Variants in RBFOX1 observed in about 807,000 individuals in gnomAD.
RBFOX1 encodes the protein RNA binding protein fox-1 homolog 1.
A neutral mutation model predicts 57.7 loss-of-function variants in RBFOX1; 8 were observed. That is an observed-to-expected ratio of 0.14 (90% CI 0.08 to 0.25). The LOEUF (loss-of-function observed/expected upper bound fraction) is 0.25, where lower values mean the gene tolerates loss of function less well. RBFOX1 is among the 10% of genes least tolerant of loss of function. The pLI is 1.00. For synonymous variants in RBFOX1, 326 were observed against 222.4 expected (o/e 1.47, Z -4.15); for missense variants, 611 against 548.5 (o/e 1.11, Z -1.14).
chr16:5,533,731 T>C (rs1276240475), intron 2 of RBFOX1, among the ~76,000 whole-genome samples: 1 of 152,186 alleles, frequency 6.6e-6, no homozygotes, highest in East Asian at 1.9e-4. Context: ...GGAGTGTGTT[T>C]CAAGGTTACC....
chr16:7,437,450 C>A (rs914652625), intron 4 of RBFOX1, among the ~76,000 whole-genome samples: 1 of 151,968 alleles, frequency 6.6e-6, no homozygotes, highest in African/African-American at 2.4e-5. Context: ...ACACTGTTGG[C>A]GCGTTATTAA....
intron 2 of RBFOX1, among the ~76,000 whole-genome samples, chr16:6,443,292 A>C (rs192183842): frequency 1.4e-4 from 22 of 152,176 alleles, no homozygotes; most frequent in South Asian, 4.2e-4. Flanking sequence ...GCTATCTCTC[A>C]CGTTCATTCT....
At chr16:5,357,428 A>G (rs978435944) in intron 1 of RBFOX1, among the ~76,000 whole-genome samples, 2 of 152,220 alleles carry the variant, frequency 1.3e-5, no homozygotes, top group African/African-American at 4.8e-5. Context: ...TCACAAGAGA[A>G]CAGAACAACG....
chr16:6,281,764 A>T (rs1022353870), intron 1 of RBFOX1, among the ~76,000 whole-genome samples: 1 of 152,146 alleles, frequency 6.6e-6, no homozygotes, highest in Non-Finnish European at 1.5e-5. Context: ...GGTGCTTTCT[A>T]AGCATTTTTC....
chr16:7,630,574 C>T (rs1400573954), intron 10 of RBFOX1, 29 bp from the exon 11 acceptor site: 3 of 1,613,462 alleles, frequency 1.9e-6, no homozygotes, highest in Non-Finnish European at 2.5e-6. Flanking sequence ...ATTCCCAAAC[C>T]AGATACCATC....
chr16:6,868,688 T>C (rs959234939), intron 3 of RBFOX1, among the ~76,000 whole-genome samples: 1 of 152,166 alleles, frequency 6.6e-6, no homozygotes, highest in African/African-American at 2.4e-5. Flanking sequence ...GCCAGGCTGG[T>C]CAGAACTTCT....
intron 1 of RBFOX1, among the ~76,000 whole-genome samples, chr16:5,441,065 G>T (rs932715444): frequency 6.6e-6 from 1 of 152,186 alleles, no homozygotes; most frequent in African/African-American, 2.4e-5. Context: ...GGGTCACAGT[G>T]CCTTGACTTG....
At chr16:7,390,206 G>T (rs4587996) in intron 4 of RBFOX1, among the ~76,000 whole-genome samples, 23 of 151,982 alleles carry the variant, frequency 1.5e-4, no homozygotes, top group African/African-American at 5.6e-4. Flanking sequence ...CTGTCATCTC[G>T]CACCAGACCC....
chr16:6,269,247 C>T (rs1393367090), intron 1 of RBFOX1, among the ~76,000 whole-genome samples: 1 of 152,024 alleles, frequency 6.6e-6, no homozygotes, highest in Admixed American at 6.6e-5. Flanking sequence ...AGTTGTTATA[C>T]TGTCATTTAA....
At chr16:7,209,206 A>G (rs1227576500) in intron 4 of RBFOX1, among the ~76,000 whole-genome samples, 1 of 151,510 alleles carries the variant, frequency 6.6e-6, no homozygotes, top group African/African-American at 2.4e-5. Flanking sequence ...GTGGCAGTGC[A>G]TGCATGTAAT....
At chr16:7,390,580 A>C (rs962485305) in intron 4 of RBFOX1, among the ~76,000 whole-genome samples, 3 of 152,226 alleles carry the variant, frequency 2.0e-5, no homozygotes, top group African/African-American at 7.2e-5. Context: ...GAGATTATGC[A>C]AGTATAAGGT....
intron 4 of RBFOX1, among the ~76,000 whole-genome samples, chr16:7,429,366 T>C (rs1452480752): frequency 6.6e-6 from 1 of 152,196 alleles, no homozygotes; most frequent in Non-Finnish European, 1.5e-5. Context: ...TCATCAGCTG[T>C]TGATTTTGGT....
At chr16:5,884,429 C>T (rs931513795) in intron 4 of RBFOX1, among the ~76,000 whole-genome samples, 3 of 151,884 alleles carry the variant, frequency 2.0e-5, no homozygotes, top group Non-Finnish European at 2.9e-5. Context: ...CACCAAAATC[C>T]ATCTGTTCCA....
chr16:6,142,036 G>A (rs1467720858), intron 1 of RBFOX1, among the ~76,000 whole-genome samples: 3 of 138,034 alleles, frequency 2.2e-5, no homozygotes, highest in Non-Finnish European at 4.9e-5. Flanking sequence ...TCCAGCCTGG[G>A]TGAGCTCAAA....
chr16:5,584,724 G>T (rs1420088508), intron 2 of RBFOX1, among the ~76,000 whole-genome samples: 1 of 152,256 alleles, frequency 6.6e-6, no homozygotes, highest in South Asian at 2.1e-4. Context: ...ACTTTAGATG[G>T]AAGTTCTCAT....
At chr16:5,547,511 A>G (rs2045260858) in intron 2 of RBFOX1, among the ~76,000 whole-genome samples, 1 of 152,204 alleles carries the variant, frequency 6.6e-6, no homozygotes. Flanking sequence ...GATAAAAAAG[A>G]TTACATACTA....
intron 3 of RBFOX1, among the ~76,000 whole-genome samples, chr16:7,051,334 T>C (rs2049999487): frequency 6.6e-6 from 1 of 152,170 alleles, no homozygotes; most frequent in Admixed American, 6.5e-5. Context: ...CCCACCTATG[T>C]TTTCTTGTTT....
chr16:7,692,356 A>C (rs1413301808), intron 14 of RBFOX1, among the ~76,000 whole-genome samples: 1 of 152,224 alleles, frequency 6.6e-6, no homozygotes, highest in East Asian at 1.9e-4. Context: ...CTCTTGCAAC[A>C]GTAAAACTTT....
At chr16:5,871,105 A>G (rs1318411200) in intron 4 of RBFOX1, among the ~76,000 whole-genome samples, 2 of 152,210 alleles carry the variant, frequency 1.3e-5, no homozygotes, top group East Asian at 1.9e-4. Context: ...ATAAATTTTC[A>G]TGGCATATGC....
Sources: gnomAD v4.1 joint callset for allele counts (sites outside exome capture counted in the v4.1 genomes callset) on GRCh38, gnomAD v4.1.1 for gene constraint, MANE v1.5 for transcripts, NCBI Gene and HGNC (gene_info 2026-07-23, HGNC 2026-07-21) for gene names.